The following ERCC5 variants were observed in gnomAD, a reference collection of about 807,000 sequenced individuals.
The protein encoded by ERCC5 is ERCC excision repair 5, endonuclease.
A neutral mutation model predicts 105.6 loss-of-function variants in ERCC5; 68 were observed. That is an observed-to-expected ratio of 0.64 (90% CI 0.53 to 0.79). The LOEUF (loss-of-function observed/expected upper bound fraction) is 0.79. ERCC5 is among the 30% of genes least tolerant of loss of function. ERCC5 has a pLI of 0.00. For missense variants in ERCC5, 1,373 were observed against 1,426.7 expected (o/e 0.96, Z 0.61); for synonymous variants, 546 against 526.2 (o/e 1.04, Z -0.51).
chr13:102,860,520 G>T (rs180716271), intron 6 of ERCC5, among the ~76,000 whole-genome samples: 5 of 152,232 alleles, frequency 3.3e-5, no homozygotes, highest in African/African-American at 2.4e-5. Flanking sequence ...TCCTCTGGGG[G>T]TCTTGGAACA....
Position 102,866,008 on chromosome 13 carries a change from A to T in ERCC5, c.2199+97A>T, listed in dbSNP as rs570439889. On this transcript the variant is annotated intron_variant, in intron 9 of 14. Coordinates refer to ENST00000652225, the MANE Select transcript of ERCC5 (RefSeq NM_000123.4). ...GTTGGTGGATGAGTATTTAGTAGCT[A>T]TTTGCAGTACATCTTGTGGTTGCTG... 127 of 1,605,062 alleles carry T rather than the reference A, an allele frequency of 7.9e-5. No individual in the cohort carries two copies. In the African/African-American group the frequency reaches 1.3e-3, roughly 17 times the overall value.
intron 1 of ERCC5, chr13:102,849,082 A>C (rs746539011): frequency 2.2e-5 from 11 of 507,552 alleles, no homozygotes; most frequent in South Asian, 1.6e-4. Context: ...AAACTAATTT[A>C]ATCCTATGTA....
intron 12 of ERCC5, among the ~76,000 whole-genome samples, chr13:102,868,898 G>GT (rs1390724544): frequency 2.0e-5 from 3 of 152,176 alleles, no homozygotes; most frequent in East Asian, 3.8e-4. Context: ...TGGGAAAGTA[G>GT]TTTTTTCTTT....
intron 4 of ERCC5, among the ~76,000 whole-genome samples, chr13:102,854,582 C>G (rs370623034): frequency 1.3e-5 from 2 of 152,102 alleles, no homozygotes; most frequent in Non-Finnish European, 2.9e-5. Context: ...GATTCTTATT[C>G]CTCTTCATTC....
At position 102,875,013 on chromosome 13, in the gene ERCC5, A is replaced by G. The variant is rs4150384; in HGVS notation, c.2965-294A>G. On this transcript the variant is annotated intron_variant, in intron 14 of 14. Coordinates refer to ENST00000652225, the MANE Select transcript of ERCC5 (RefSeq NM_000123.4). Reference sequence around the variant, plus strand: ...CCTGAGGAAGATGAAATGTTTAGCTACAGAAAAATATTTAACGCTCTTTGA... The same window carrying G: ...CCTGAGGAAGATGAAATGTTTAGCTGCAGAAAAATATTTAACGCTCTTTGA... Among the ~76,000 whole-genome samples, 6 of 152,246 alleles carry G rather than the reference A, an allele frequency of 3.9e-5. No individual in the cohort carries two copies. The South Asian group carries it at 1.2e-3, about 31-fold the overall frequency.
rs587778296 is a variant in ERCC5 at position 102,862,887 on chromosome 13, C to T, written c.1738C>T (p.Pro580Ser). ...KPNSASEVIG[P>S]VSLQETSSIV... ...GAATTCTGCTTCTGAAGTCATTGGC[C>T]CTGTCAGTTTGCAAGAAACAAGTAG... The change falls in exon 8 of 15, where the codon CCT (proline) becomes TCT (serine). Residue 580 changes from proline to serine, a missense_variant. By Grantham distance (74) the Pro-to-Ser change is moderately conservative. Transcript: ENST00000652225. The T allele has an allele frequency of 1.2e-6, 2 of 1,614,016 alleles. No individual in the cohort carries two copies. The highest frequency in any genetic ancestry group is 2.2e-5 in the East Asian group (1 of 44,896).
chr13:102,849,982 C>G (rs7333684), intron 1 of ERCC5, among the ~76,000 whole-genome samples: 12,934 of 151,422 alleles, frequency 0.085, 1,836 homozygotes, highest in African/African-American at 0.29. Context: ...CCCTCTGTTA[C>G]GCAGGCTCGA....
chr13:102,866,821 T>C lies in ERCC5; in HGVS notation c.2509T>C (p.Tyr837His), dbSNP rs1882859396. The C allele has an allele frequency of 1.2e-6, 2 of 1,612,316 alleles. No homozygotes were observed. Among genetic ancestry groups the C allele is most frequent in the East Asian group, 2.2e-5 (1 of 44,808 alleles). Reference protein sequence around the residue: ...NKNKFVEYYQYVDFHNQLGLD... With the variant: ...NKNKFVEYYQHVDFHNQLGLD... Reference sequence around the variant, plus strand: ...AAACAAGTTTGTAGAATATTATCAATATGTGGACTTTCACAATCAATTGGG... The same window carrying C: ...AAACAAGTTTGTAGAATATTATCAACATGTGGACTTTCACAATCAATTGGG... Residue 837 changes from tyrosine (Y) to histidine (H), a missense_variant, in exon 11 of 15, where the codon TAT becomes CAT. Tyr to His is a moderately conservative substitution (Grantham distance 83, BLOSUM62 2). Coordinates refer to ENST00000652225, the MANE Select transcript of ERCC5 (RefSeq NM_000123.4).
intron 1 of ERCC5, chr13:102,849,580 T>G (rs1247676925): frequency 1.2e-5 from 4 of 330,798 alleles, no homozygotes; most frequent in Non-Finnish European, 2.2e-5. Context: ...TGGACCTACA[T>G]TTTTTTTTAT....
intron 1 of ERCC5, chr13:102,849,494 T>C (rs779961262): frequency 4.1e-5 from 21 of 509,172 alleles, no homozygotes; most frequent in Admixed American, 3.6e-4. Context: ...TGCTAAATAT[T>C]ATAGAAATAA....
chr13:102,872,142 T>A (rs543796485), intron 12 of ERCC5, 56 bp from the exon 13 acceptor site: 1 of 1,579,300 alleles, frequency 6.3e-7, no homozygotes, highest in East Asian at 2.3e-5. Context: ...TCATCCATAG[T>A]GTATGAACTA....
chr13:102,849,224 C>T (rs777653841), intron 1 of ERCC5: 2 of 518,788 alleles, frequency 3.9e-6, no homozygotes, highest in Non-Finnish European at 7.7e-6. Context: ...TTCTCGTGGT[C>T]TCCACCACTA....
chr13:102,865,641 G>T lies in ERCC5; in HGVS notation c.1955-26G>T, dbSNP rs777166827. 2 of 1,611,774 alleles carry T rather than the reference G, an allele frequency of 1.2e-6. No individual in the cohort carries two copies. Among genetic ancestry groups the T allele is most frequent in the Non-Finnish European group, 1.7e-6 (2 of 1,179,282 alleles). The stretch of plus-strand genomic sequence containing the variant: ...TCATTTTAATGTTTTGATTGTAGAT[G>T]AAGTGACCTTTTAATTTTGGTACAG... On this transcript the variant is annotated intron_variant, in intron 8 of 14. Transcript: ENST00000652225. The surrounding 1 kb of genome is among the most constrained non-coding windows in gnomAD (Gnocchi z 4.0).
At chr13:102,847,985 C>T (rs1304589383) in intron 1 of ERCC5, among the ~76,000 whole-genome samples, 1 of 152,164 alleles carries the variant, frequency 6.6e-6, no homozygotes, top group African/African-American at 2.4e-5. Flanking sequence ...ACATAGTGAA[C>T]CCCTGTCTAC....
At chr13:102,866,927 A>G (rs775351046) in intron 11 of ERCC5, 82 bp downstream of exon 11, 38 of 1,464,606 alleles carry the variant, frequency 2.6e-5, no homozygotes, top group Non-Finnish European at 3.4e-5. Context: ...CCAAGGAACT[A>G]GTTTGATGCA....
chr13:102,856,002 A>G, intron 4 of ERCC5, 50 bp from the exon 5 acceptor site: 2 of 1,581,690 alleles, frequency 1.3e-6, no homozygotes, highest in Non-Finnish European at 1.7e-6. Flanking sequence ...GTATTTTTGT[A>G]AGGGGTCCTT....
intron 7 of ERCC5, 143 bp from the exon 8 acceptor site, chr13:102,861,887 C>A: frequency 7.4e-7 from 1 of 1,353,204 alleles, no homozygotes; most frequent in Non-Finnish European, 1.0e-6. Context: ...TTAAAATTAG[C>A]TAATGAATTA....
intron 12 of ERCC5, among the ~76,000 whole-genome samples, chr13:102,869,400 T>C (rs1882955941): frequency 6.6e-6 from 1 of 151,630 alleles, no homozygotes; most frequent in African/African-American, 2.4e-5. Context: ...AAATTATAAA[T>C]ATGTATTAAA....
Position 102,862,411 on chromosome 13 carries a change from T to G in ERCC5, c.1262T>G (p.Ile421Arg), listed in dbSNP as rs2140527495. The change falls in exon 8 of 15, where the codon ATA (isoleucine) becomes AGA (arginine). Residue 421 changes from isoleucine (I) to arginine (R), a missense_variant. This residue lies in a region of ERCC5 where 1,004 missense variants were observed against 1,059.7 expected (regional missense o/e 0.95). Coordinates refer to ENST00000652225, the MANE Select transcript of ERCC5 (RefSeq NM_000123.4). ...TGGPGAEEMR[I>R]NSSTENSDEG... Reference sequence around the variant, plus strand: ...GGGCCAGGAGCAGAAGAAATGCGTATAAACAGCTCCACCGAGAACAGTGAT... The same window carrying G: ...GGGCCAGGAGCAGAAGAAATGCGTAGAAACAGCTCCACCGAGAACAGTGAT... 1.3e-6 allele frequency: 2 copies of G among 1,590,272 alleles called. No individual in the cohort carries two copies. Among genetic ancestry groups the G allele is most frequent in the Non-Finnish European group, 1.7e-6 (2 of 1,169,972 alleles).
Sources: gnomAD v4.1 joint callset for allele counts (sites outside exome capture counted in the v4.1 genomes callset) on GRCh38, gnomAD v4.1.1 for gene constraint, gnomAD v4.1.1 regional missense constraint, Gnocchi (gnomAD v3.1) non-coding constraint, MANE v1.5 for transcripts, NCBI Gene and HGNC (gene_info 2026-07-23, HGNC 2026-07-21) for gene names.